Variants in SLC8B1 observed in about 807,000 individuals in gnomAD.
The protein encoded by SLC8B1 is mitochondrial sodium/calcium exchanger protein.
Under a neutral mutation model 63.4 loss-of-function variants are expected in SLC8B1, and 52 were observed. The ratio of observed to expected loss-of-function variants is 0.82; its 90% CI spans 0.66 to 1.03. SLC8B1 has a LOEUF of 1.03. Among genes scored for constraint, SLC8B1 ranks in the 50% least tolerant of loss-of-function variants. The pLI, the probability that SLC8B1 is intolerant of heterozygous loss-of-function variation, is 0.00. For missense variants in SLC8B1, 657 were observed against 741.7 expected (o/e 0.89, Z 1.33); for synonymous variants, 336 against 323.9 (o/e 1.04, Z -0.40).
intron 2 of SLC8B1, among the ~76,000 whole-genome samples, chr12:113,321,646 T>C (rs1392176498): frequency 6.6e-6 from 1 of 152,128 alleles, no homozygotes; most frequent in African/African-American, 2.4e-5. Flanking sequence ...CCCACCATAA[T>C]TAGTTTGAAG....
Position 113,319,052 on chromosome 12 carries a change from C to T in SLC8B1, c.714G>A (p.Val238=), listed in dbSNP as rs1379063997. 1 of 1,614,006 alleles carries T rather than the reference C, an allele frequency of 6.2e-7. No individual in the cohort carries two copies. Among genetic ancestry groups the T allele is most frequent in the Non-Finnish European group, 8.5e-7 (1 of 1,179,908 alleles). The change falls in exon 8 of 16, where the codon GTG becomes GTA. Residue 238 remains valine (V), a synonymous_variant. Transcript: ENST00000680972. ...AGAGAATCACAGTGACCACATAGAA[C>T]ACATACAAGCCCAGGTAACCTGCAG... ...AWALGYLGLY[V]FYVVTVILCT... is the part of the protein sequence containing the mutation.
chr12:113,304,442 A>G, intron 14 of SLC8B1, 57 bp from the exon 15 acceptor site: 1 of 1,497,382 alleles, frequency 6.7e-7, no homozygotes, highest in African/African-American at 1.4e-5. Context: ...CCAACCACAT[A>G]GCCCGTTCCT....
rs546033531 is a variant in SLC8B1 at position 113,299,087 on chromosome 12, G to A, written c.*690C>T. The stretch of plus-strand genomic sequence containing the variant: ...GGGCAGAATCCTGGAGGGAGCGCCT[G>A]AGCCACCATCCCATGTGGCAGCTGC... On this transcript the variant is annotated 3_prime_UTR_variant, in exon 16 of 16. Coordinates refer to ENST00000680972, the MANE Select transcript of SLC8B1 (RefSeq NM_001358345.2). The A allele has an allele frequency of 6.5e-6, 1 of 153,560 alleles. No individual in the cohort carries two copies. Among genetic ancestry groups the A allele is most frequent in the Non-Finnish European group, 1.5e-5 (1 of 68,922 alleles). The allele number at this position is 153,560 out of a possible 1,614,324, so 9.5% of individuals were successfully genotyped here. A position where few individuals can be genotyped will look rare whatever the true frequency, so the allele number is the denominator to read the frequency against.
At chr12:113,322,218 C>G (rs1271770702) in intron 2 of SLC8B1, among the ~76,000 whole-genome samples, 1 of 151,980 alleles carries the variant, frequency 6.6e-6, no homozygotes. Flanking sequence ...CTCTGCACAA[C>G]AGTCTGCGAG....
At chr12:113,330,599 T>A (rs1049124624) in intron 2 of SLC8B1, among the ~76,000 whole-genome samples, 2 of 152,224 alleles carry the variant, frequency 1.3e-5, no homozygotes, top group Non-Finnish European at 2.9e-5. Context: ...GGCACAATTA[T>A]CTGGTATGAT....
intron 15 of SLC8B1, among the ~76,000 whole-genome samples, chr12:113,303,334 G>A (rs1956624884): frequency 6.6e-6 from 1 of 152,150 alleles, no homozygotes; most frequent in Non-Finnish European, 1.5e-5. Flanking sequence ...GTTTGCTTGT[G>A]GGCATGGCCA....
chr12:113,321,494 T>C, intron 2 of SLC8B1, 146 bp from the exon 3 acceptor site: 1 of 948,858 alleles, frequency 1.1e-6, no homozygotes, highest in Non-Finnish European at 1.6e-6. Context: ...GGATGCACTT[T>C]TAATTTTAAA....
chr12:113,306,448 C>A (rs377762188), intron 14 of SLC8B1, 47 bp downstream of exon 14: 3 of 1,498,704 alleles, frequency 2.0e-6, no homozygotes, highest in Non-Finnish European at 9.1e-7. Flanking sequence ...ACCCCACCCA[C>A]GGCTGTGACA....
At chr12:113,318,203 A>C (rs895304963) in intron 8 of SLC8B1, among the ~76,000 whole-genome samples, 3 of 150,470 alleles carry the variant, frequency 2.0e-5, no homozygotes, top group African/African-American at 2.4e-5. Flanking sequence ...ATGTATGTGC[A>C]TGTATTCATA....
intron 12 of SLC8B1, 125 bp downstream of exon 12, chr12:113,310,109 G>T: frequency 7.7e-7 from 1 of 1,301,274 alleles, no homozygotes; most frequent in Non-Finnish European, 1.0e-6. Context: ...TTTAAAGTTC[G>T]GTTACCTGTC....
chr12:113,307,925 A>G, intron 12 of SLC8B1, 81 bp from the exon 13 acceptor site: 1 of 1,515,150 alleles, frequency 6.6e-7, no homozygotes, highest in South Asian at 1.2e-5. Context: ...GTGAAACGGG[A>G]TGATAACAGT....
At chr12:113,319,127 C>G (rs757165261) in intron 7 of SLC8B1, 56 bp from the exon 8 acceptor site, 7 of 1,345,348 alleles carry the variant, frequency 5.2e-6, no homozygotes, top group Admixed American at 1.7e-5. Flanking sequence ...GTCTAGAGAA[C>G]AACAGCTGGC....
At position 113,320,164 on chromosome 12, in the gene SLC8B1, C is replaced by A. The variant is rs1263102029; in HGVS notation, c.694+167G>T. 9 of 774,702 alleles carry A rather than the reference C, an allele frequency of 1.2e-5. No individual in the cohort carries two copies. The highest frequency in any genetic ancestry group is 1.8e-5 in the Non-Finnish European group (9 of 486,790). The allele number at this position is 774,702 out of a possible 1,614,324, so 48.0% of individuals were successfully genotyped here. On this transcript the variant is annotated intron_variant, in intron 7 of 15. Transcript: ENST00000680972. This position sits in a 1 kb window ranked among gnomAD's most constrained non-coding sequence, Gnocchi z 5.3. ...TGCCAGGCCTCTTTGGTTATGTGAC[C>A]CACATGTTCCCATTTTTGCTCAAGC...
chr12:113,314,389 C>T (rs1399766701), intron 11 of SLC8B1, among the ~76,000 whole-genome samples: 2 of 152,240 alleles, frequency 1.3e-5, no homozygotes, highest in African/African-American at 2.4e-5. Context: ...CACCTCCAGG[C>T]GAAGCCCCTG....
At chr12:113,315,530 C>T (rs1956824254) in intron 10 of SLC8B1, 54 bp from the exon 11 acceptor site, 9 of 1,487,844 alleles carry the variant, frequency 6.0e-6, no homozygotes, top group African/African-American at 1.4e-5. Context: ...GAATCCCAGC[C>T]GGCCACAGAT....
chr12:113,318,869 G>C, intron 8 of SLC8B1, 95 bp downstream of exon 8: 1 of 890,456 alleles, frequency 1.1e-6, no homozygotes, highest in Non-Finnish European at 1.8e-6. Context: ...GAGCTTGGTG[G>C]GGACAATGGC....
At chr12:113,310,459 T>C in intron 11 of SLC8B1, 104 bp from the exon 12 acceptor site, 1 of 1,418,388 alleles carries the variant, frequency 7.1e-7, no homozygotes, top group South Asian at 1.6e-5. Context: ...TGCCCAGCCC[T>C]GTCCTAGACA....
chr12:113,313,909 C>G (rs969623818), intron 11 of SLC8B1, among the ~76,000 whole-genome samples: 7 of 152,058 alleles, frequency 4.6e-5, no homozygotes, highest in African/African-American at 1.7e-4. Flanking sequence ...ACTCGGGAGG[C>G]TGAGGCAGGA....
chr12:113,319,076 A>T lies in SLC8B1; in HGVS notation c.695-5T>A. 2 of 1,611,956 alleles carry T rather than the reference A, an allele frequency of 1.2e-6. No individual in the cohort carries two copies. Among genetic ancestry groups the T allele is most frequent in the Non-Finnish European group, 1.7e-6 (2 of 1,178,086 alleles). On this transcript the variant is annotated splice_polypyrimidine_tract_variant and splice_region_variant and intron_variant, in intron 7 of 15. Transcript: ENST00000680972. ...ACACATACAAGCCCAGGTAACCTGC[A>T]GACGGGGTGCACGCCGTCACCAAGT...
Sources: allele counts gnomAD v4.1 joint callset (sites outside exome capture counted in the v4.1 genomes callset), GRCh38; gene constraint gnomAD v4.1.1; non-coding constraint Gnocchi (gnomAD v3.1); transcripts MANE v1.5; gene names NCBI Gene and HGNC (gene_info 2026-07-23, HGNC 2026-07-21).